The following TAFA2 variants were observed in gnomAD, a reference collection of about 807,000 sequenced individuals.
TAFA2 encodes the protein chemokine-like protein TAFA-2.
TAFA2 carries 7 observed loss-of-function variants against 18.8 expected under a neutral mutation model. That is an observed-to-expected ratio of 0.37 (90% CI 0.21 to 0.70). TAFA2 has a LOEUF of 0.70. TAFA2 is among the 30% of genes least tolerant of loss of function. The pLI is 0.53. For missense variants in TAFA2, 122 were observed against 158.1 expected, an observed-to-expected ratio of 0.77 and a Z score of 1.23; for synonymous variants, 60 against 54.2, an observed-to-expected ratio of 1.11 and a Z score of -0.47.
rs149096334 is a variant in TAFA2, at chr12:61,844,518, G to T, written c.106+22802C>A. On this transcript the variant is annotated intron_variant, in intron 2 of 4. Coordinates refer to ENST00000416284, the MANE Select transcript of TAFA2 (RefSeq NM_178539.5). ...AGAAATTAATATTGCCAAGATTAAG[G>T]TCTTAGTTATTTAGGCTAAAATGGA... is the stretch of plus-strand genomic sequence containing the variant. 4.7e-3 allele frequency among the ~76,000 whole-genome samples: 714 copies of T among 152,114 alleles called. 2 individuals are homozygous for T. The highest frequency in any genetic ancestry group is 0.015 in the African/African-American group (603 of 41,530).
chr12:62,163,731 T>C (rs1392922306), intron 1 of TAFA2, among the ~76,000 whole-genome samples: 1 of 152,138 alleles, frequency 6.6e-6, no homozygotes, highest in Admixed American at 6.6e-5. Context: ...TATTTAAATA[T>C]GGCAAATATA....
intron 1 of TAFA2, among the ~76,000 whole-genome samples, chr12:62,120,975 C>T (rs1870170533): frequency 6.6e-6 from 1 of 152,096 alleles, no homozygotes; most frequent in Non-Finnish European, 1.5e-5. Context: ...CTGCCTCAGC[C>T]TCCCGAATAG....
At chr12:62,007,256 T>C (rs879045548) in intron 1 of TAFA2, among the ~76,000 whole-genome samples, 1 of 152,246 alleles carries the variant, frequency 6.6e-6, no homozygotes, top group Non-Finnish European at 1.5e-5. Flanking sequence ...TTACAGCTCA[T>C]TTAGGGCATA....
intron 1 of TAFA2, among the ~76,000 whole-genome samples, chr12:61,953,498 A>C (rs1257699259): frequency 1.3e-5 from 2 of 152,168 alleles, no homozygotes; most frequent in Non-Finnish European, 2.9e-5. Context: ...TTGAGACATA[A>C]TTACTGTCAA....
At chr12:61,793,607 C>A (rs1871073034) in intron 2 of TAFA2, among the ~76,000 whole-genome samples, 1 of 151,684 alleles carries the variant, frequency 6.6e-6, no homozygotes, top group South Asian at 2.1e-4. Flanking sequence ...TAGTTAACAA[C>A]CTTCCCACTA....
Position 61,788,247 on chromosome 12 carries a change from A to G in TAFA2, c.107-33223T>C, listed in dbSNP as rs1311829931. ...AAATGGAGAGACAGACTGCAACACA[A>G]TAATAACAGGTTATGTCAACACTCC... is the stretch of plus-strand genomic sequence containing the variant. On this transcript the variant is annotated intron_variant, in intron 2 of 4. Coordinates refer to ENST00000416284, the MANE Select transcript of TAFA2 (RefSeq NM_178539.5). 2.0e-5 allele frequency among the ~76,000 whole-genome samples: 3 copies of G among 151,864 alleles called. No individual in the cohort carries two copies. The South Asian group carries it at 6.2e-4, about 31-fold the overall frequency.
intron 1 of TAFA2, among the ~76,000 whole-genome samples, chr12:61,938,922 G>T (rs1201393461): frequency 6.6e-6 from 1 of 151,870 alleles, no homozygotes; most frequent in African/African-American, 2.4e-5. Context: ...AGGGTGGGAG[G>T]TGGGTGAGGG....
intron 2 of TAFA2, among the ~76,000 whole-genome samples, chr12:61,804,075 G>A (rs958160227): frequency 1.3e-5 from 2 of 151,952 alleles, no homozygotes; most frequent in Non-Finnish European, 2.9e-5. Context: ...TTTGTTCAAA[G>A]ATTCCTAGTC....
intron 1 of TAFA2, among the ~76,000 whole-genome samples, chr12:62,182,304 C>T (rs1200245899): frequency 6.6e-6 from 1 of 152,132 alleles, no homozygotes; most frequent in African/African-American, 2.4e-5. Context: ...AAGCAAAACA[C>T]TTACAAATTC....
intron 1 of TAFA2, among the ~76,000 whole-genome samples, chr12:62,035,804 C>G (rs1330182033): frequency 3.0e-5 from 4 of 134,316 alleles, no homozygotes; most frequent in Non-Finnish European, 6.1e-5. Context: ...TGCAGTGGCG[C>G]GATCTCGACT....
intron 2 of TAFA2, among the ~76,000 whole-genome samples, chr12:61,849,984 T>C (rs574301495): frequency 1.3e-5 from 2 of 152,268 alleles, no homozygotes; most frequent in South Asian, 4.1e-4. Context: ...AATAGCACTA[T>C]GAAATTGCTG....
At chr12:61,900,193 T>C (rs1403484912) in intron 1 of TAFA2, among the ~76,000 whole-genome samples, 1 of 152,180 alleles carries the variant, frequency 6.6e-6, no homozygotes, top group Non-Finnish European at 1.5e-5. Flanking sequence ...TTGGTTCACA[T>C]GTGTAAGAGT....
intron 1 of TAFA2, among the ~76,000 whole-genome samples, chr12:61,902,648 C>A (rs1447390020): frequency 1.3e-5 from 2 of 152,138 alleles, no homozygotes; most frequent in African/African-American, 2.4e-5. Flanking sequence ...TCTCTGTTTA[C>A]AATTTTGACC....
chr12:62,210,185 C>CTAAA (rs56194828), intron 1 of TAFA2, among the ~76,000 whole-genome samples: 78,616 of 144,188 alleles, frequency 0.55, 21,816 homozygotes, highest in Admixed American at 0.64. Flanking sequence ...GACTCTGTCT[C>CTAAA]TAAATAAATA....
intron 1 of TAFA2, among the ~76,000 whole-genome samples, chr12:62,175,235 T>C (rs2062504147): frequency 6.6e-6 from 1 of 152,146 alleles, no homozygotes; most frequent in Admixed American, 6.5e-5. Flanking sequence ...CTGACAAAGA[T>C]TACATGCAGT....
intron 1 of TAFA2, among the ~76,000 whole-genome samples, chr12:62,004,298 T>C (rs1405854799): frequency 1.3e-5 from 2 of 152,174 alleles, no homozygotes; most frequent in African/African-American, 2.4e-5. Flanking sequence ...GTTATGTCTA[T>C]TTTCACTTCA....
intron 2 of TAFA2, among the ~76,000 whole-genome samples, chr12:61,862,565 T>C (rs1874173008): frequency 6.6e-6 from 1 of 152,244 alleles, no homozygotes; most frequent in Non-Finnish European, 1.5e-5. Context: ...TTATTGTACT[T>C]GTATTTCGGT....
chr12:61,892,450 T>C (rs1875677091), intron 1 of TAFA2, among the ~76,000 whole-genome samples: 1 of 152,152 alleles, frequency 6.6e-6, no homozygotes, highest in African/African-American at 2.4e-5. Context: ...CCAGCTAAAA[T>C]ATAAGACATC....
chr12:61,802,058 T>G (rs751266070), intron 2 of TAFA2, among the ~76,000 whole-genome samples: 1 of 152,090 alleles, frequency 6.6e-6, no homozygotes, highest in Non-Finnish European at 1.5e-5. Flanking sequence ...AAAACCACAG[T>G]GAGATTTCAT....
Sources: gnomAD v4.1 joint callset for allele counts (sites outside exome capture counted in the v4.1 genomes callset) on GRCh38, gnomAD v4.1.1 for gene constraint, MANE v1.5 for transcripts, NCBI Gene and HGNC (gene_info 2026-07-23, HGNC 2026-07-21) for gene names.